Variants in CNGA3 observed in about 807,000 individuals in gnomAD.
The protein encoded by CNGA3 is cyclic nucleotide gated channel subunit alpha 3.
CNGA3 carries 42 observed loss-of-function variants against 46.6 expected under a neutral mutation model. The observed-to-expected ratio is 0.90, with a 90% CI of 0.70 to 1.17. The LOEUF is 1.17. CNGA3 is among the 50% of genes most tolerant of loss of function. The probability of loss-of-function intolerance (pLI) is 0.00; values close to 1 mark genes in which losing one functional copy is unlikely to be tolerated. For synonymous variants in CNGA3, 394 were observed against 369.4 expected, an observed-to-expected ratio of 1.07 and a Z score of -0.76; for missense variants, 893 against 890.7, an observed-to-expected ratio of 1.00 and a Z score of -0.03.
intron 1 of CNGA3, among the ~76,000 whole-genome samples, chr2:98,348,585 C>T (rs1020811173): frequency 2.0e-5 from 3 of 152,206 alleles, no homozygotes; most frequent in Non-Finnish European, 2.9e-5. Context: ...ATTCCCACAG[C>T]GTCCTGCTCA....
rs1339754244 is a variant in CNGA3 at position 98,363,841 on chromosome 2, T to C, written c.-37-6098T>C. Reference sequence around the variant, plus strand: ...TCCAGAGCTGACTTCAAGTCCTGAATATCCTTGTTAATTTTCTGTCTCGAT... The same window carrying C: ...TCCAGAGCTGACTTCAAGTCCTGAACATCCTTGTTAATTTTCTGTCTCGAT... On this transcript the variant is annotated intron_variant, in intron 1 of 7. Transcript: ENST00000272602. 4.6e-5 allele frequency among the ~76,000 whole-genome samples: 7 copies of C among 152,292 alleles called. No individual in the cohort carries two copies. The South Asian group carries it at 1.5e-3, about 32-fold the overall frequency.
At chr2:98,360,346 C>A (rs1406703619) in intron 1 of CNGA3, among the ~76,000 whole-genome samples, 4 of 152,130 alleles carry the variant, frequency 2.6e-5, no homozygotes, top group Non-Finnish European at 5.9e-5. Flanking sequence ...GAGTTTGTGC[C>A]CAGGATAGAG....
At position 98,397,087 on chromosome 2, in the gene CNGA3, C is replaced by T; in HGVS notation, c.1917C>T (p.Thr639=). ...AGCAGCTGGGGTCCTCCCTGGACAC[C>T]CTGCAGACCAGGTTTGCACGCCTCC... ...KVEQLGSSLD[T]LQTRFARLLA... is the part of the protein sequence containing the mutation. Residue 639 remains threonine (T), a synonymous_variant, in exon 8 of 8, where the codon ACC becomes ACT. Coordinates refer to ENST00000272602, the MANE Select transcript of CNGA3 (RefSeq NM_001298.3). 1 of 1,614,138 alleles carries T rather than the reference C, an allele frequency of 6.2e-7. No homozygotes were observed. Among genetic ancestry groups the T allele is most frequent in the Non-Finnish European group, 8.5e-7 (1 of 1,180,026 alleles).
At position 98,346,468 on chromosome 2, in the gene CNGA3, A is replaced by G. The variant is rs1163111313; in HGVS notation, c.-104A>G. ...GGAGGGAGCGAGCGGAACTGCGCCT[A>G]GGAGGCCGAGGGAGGAGGCGCTCCG... On this transcript the variant is annotated 5_prime_UTR_variant, in exon 1 of 8. Transcript: ENST00000272602. 1 of 398,420 alleles carries G rather than the reference A, an allele frequency of 2.5e-6. No homozygotes were observed. Among genetic ancestry groups the G allele is most frequent in the Admixed American group, 4.4e-5 (1 of 22,712 alleles). 24.7% of individuals were successfully genotyped at this position (398,420 alleles called of 1,614,324 possible).
chr2:98,376,664 C>G (rs1160060299), intron 2 of CNGA3, among the ~76,000 whole-genome samples: 1 of 152,108 alleles, frequency 6.6e-6, no homozygotes, highest in African/African-American at 2.4e-5. Context: ...GAGACTGAAG[C>G]TTTTCCCTGG....
At chr2:98,376,503 C>T (rs115534276) in intron 2 of CNGA3, among the ~76,000 whole-genome samples, 4,093 of 152,132 alleles carry the variant, frequency 0.027, 94 homozygotes, top group Middle Eastern at 0.044. Context: ...GGGCAGGTGG[C>T]GCAGTCAAGA....
Position 98,380,165 on chromosome 2 carries a change from C to T in CNGA3, c.216-10C>T, listed in dbSNP as rs1302897245. The T allele has an allele frequency of 3.1e-6, 5 of 1,613,958 alleles. No individual in the cohort carries two copies. The highest frequency in any genetic ancestry group is 4.2e-6 in the Non-Finnish European group (5 of 1,180,044). ...TCTCCCTCTGGCTCAGTGCTTGTGT[C>T]ACCTTCCAGGCTGTCGCGCCTCATC... On this transcript the variant is annotated splice_polypyrimidine_tract_variant and intron_variant, in intron 3 of 7. Transcript: ENST00000272602.
At chr2:98,347,961 G>T (rs975189775) in intron 1 of CNGA3, among the ~76,000 whole-genome samples, 1 of 152,224 alleles carries the variant, frequency 6.6e-6, no homozygotes, top group Admixed American at 6.5e-5. Flanking sequence ...TGGGGGACGC[G>T]GGTGGTTGGG....
intron 5 of CNGA3, among the ~76,000 whole-genome samples, chr2:98,384,053 G>A (rs1692597291): frequency 6.6e-6 from 1 of 151,860 alleles, no homozygotes; most frequent in Non-Finnish European, 1.5e-5. Flanking sequence ...CACCCGGCTA[G>A]TTTTTTTGTA....
chr2:98,366,353 T>C (rs907611002), intron 1 of CNGA3, among the ~76,000 whole-genome samples: 1 of 152,212 alleles, frequency 6.6e-6, no homozygotes, highest in African/African-American at 2.4e-5. Context: ...TGACCCCTGT[T>C]GAGGGGTCTC....
At chr2:98,388,385 T>C (rs1001739962) in intron 5 of CNGA3, among the ~76,000 whole-genome samples, 1 of 152,142 alleles carries the variant, frequency 6.6e-6, no homozygotes, top group African/African-American at 2.4e-5. Context: ...CCAGCAGGCC[T>C]GACCCCTCCC....
intron 1 of CNGA3, among the ~76,000 whole-genome samples, chr2:98,353,950 C>A (rs989338282): frequency 1.3e-5 from 2 of 152,186 alleles, no homozygotes; most frequent in African/African-American, 4.8e-5. Flanking sequence ...AGCACCAAGG[C>A]AGTGGTGCTA....
chr2:98,375,272 C>G (rs900269052), intron 2 of CNGA3, among the ~76,000 whole-genome samples: 1 of 152,246 alleles, frequency 6.6e-6, no homozygotes, highest in Non-Finnish European at 1.5e-5. Context: ...AACCAGACTA[C>G]GCTAAAACGC....
intron 1 of CNGA3, among the ~76,000 whole-genome samples, chr2:98,354,725 C>CA (rs1558802531): frequency 3.3e-5 from 5 of 152,262 alleles, no homozygotes; most frequent in Admixed American, 6.5e-5. Flanking sequence ...GTCAAGGCTG[C>CA]AGTGAGCGGT....
chr2:98,397,663 T>C lies in CNGA3; in HGVS notation c.*408T>C. ...TCTCCTGTCCAACTTCACCACCACC[T>C]GATAATGGGTATATAACAGGAAGCT... On this transcript the variant is annotated 3_prime_UTR_variant, in exon 8 of 8. Coordinates refer to ENST00000272602, the MANE Select transcript of CNGA3 (RefSeq NM_001298.3). 3.3e-6 allele frequency: 1 copy of C among 299,362 alleles called. No homozygotes were observed. Among genetic ancestry groups the C allele is most frequent in the Non-Finnish European group, 6.4e-6 (1 of 156,324 alleles). The allele number at this position is 299,362 out of a possible 1,614,324, so 18.5% of individuals were successfully genotyped here.
chr2:98,386,131 A>G (rs1692648350), intron 5 of CNGA3, among the ~76,000 whole-genome samples: 1 of 152,218 alleles, frequency 6.6e-6, no homozygotes, highest in Admixed American at 6.5e-5. Flanking sequence ...CCTGGTACAT[A>G]GTAAGTGCTC....
chr2:98,391,058 T>C (rs1692775685), intron 6 of CNGA3, among the ~76,000 whole-genome samples: 1 of 152,146 alleles, frequency 6.6e-6, no homozygotes. Context: ...AGAGAGCCAC[T>C]GCTCTGAGAG....
chr2:98,356,342 C>T (rs1452541121), intron 1 of CNGA3, among the ~76,000 whole-genome samples: 4 of 92,466 alleles, frequency 4.3e-5, no homozygotes, highest in African/African-American at 1.3e-4. Flanking sequence ...CAGACAGAGT[C>T]TGAGAAGATT....
chr2:98,375,273 G>A (rs931200037), intron 2 of CNGA3, among the ~76,000 whole-genome samples: 5 of 152,226 alleles, frequency 3.3e-5, no homozygotes, highest in African/African-American at 1.2e-4. Context: ...ACCAGACTAC[G>A]CTAAAACGCT....
Sources: gnomAD v4.1 joint callset for allele counts (sites outside exome capture counted in the v4.1 genomes callset) on GRCh38, gnomAD v4.1.1 for gene constraint, MANE v1.5 for transcripts, NCBI Gene and HGNC (gene_info 2026-07-23, HGNC 2026-07-21) for gene names.